NFIB: variants seen among roughly 807,000 people sequenced by gnomAD.
NFIB encodes the protein nuclear factor I B.
In NFIB, 11 loss-of-function variants were observed where a neutral mutation model predicts 61.5. The observed-to-expected ratio is 0.18, with a 90% CI of 0.11 to 0.30. The LOEUF is 0.30. NFIB is among the 10% of genes least tolerant of loss of function. NFIB has a pLI of 1.00. For synonymous variants in NFIB, 260 were observed against 216.5 expected (o/e 1.20, Z -1.76); for missense variants, 471 against 608.9 (o/e 0.77, Z 2.38).
chr9:14,290,205 C>T (rs954572606), intron 2 of NFIB, among the ~76,000 whole-genome samples: 1 of 152,030 alleles, frequency 6.6e-6, no homozygotes, highest in Non-Finnish European at 1.5e-5. Context: ...TGGCTCTATA[C>T]CATTCACATT....
At chr9:14,173,113 A>G (rs1288221147) in intron 3 of NFIB, among the ~76,000 whole-genome samples, 2 of 152,232 alleles carry the variant, frequency 1.3e-5, no homozygotes, top group Non-Finnish European at 2.9e-5. Context: ...TGATCAAACT[A>G]GCTGAAGAGA....
At chr9:14,157,187 G>A (rs181001082) in intron 3 of NFIB, among the ~76,000 whole-genome samples, 1 of 152,208 alleles carries the variant, frequency 6.6e-6, no homozygotes, top group East Asian at 1.9e-4. Flanking sequence ...AGATCTTAGG[G>A]CCAGTGGAAC....
At chr9:14,312,196 C>G (rs1309699130) in intron 1 of NFIB, among the ~76,000 whole-genome samples, 1 of 152,238 alleles carries the variant, frequency 6.6e-6, no homozygotes, top group Non-Finnish European at 1.5e-5. Flanking sequence ...TAAGCCTTAT[C>G]ATTGTTTTCA....
intron 3 of NFIB, among the ~76,000 whole-genome samples, chr9:14,172,575 C>G (rs1215483386): frequency 3.3e-5 from 5 of 152,174 alleles, no homozygotes; most frequent in South Asian, 2.1e-4. Context: ...AAAAGTCACT[C>G]CACCTTTCCT....
At chr9:14,405,362 T>A in the NFIB span, among the ~76,000 whole-genome samples, 1 of 152,220 alleles carries the variant, frequency 6.6e-6, no homozygotes, top group African/African-American at 2.4e-5. Context: ...ATAACTAATG[T>A]GCACATTCAT....
At chr9:14,160,841 AAAAAAAAAAAC>A (rs2044103804) in intron 3 of NFIB, among the ~76,000 whole-genome samples, 1 of 149,802 alleles carries the variant, frequency 6.7e-6, no homozygotes, top group South Asian at 2.1e-4. Context: ...CAAAAAAAAA[AAAAAAAAAAAC>A]AGAAAAAAAG....
At chr9:14,444,417 A>G in the NFIB span, among the ~76,000 whole-genome samples, 2 of 152,210 alleles carry the variant, frequency 1.3e-5, no homozygotes, top group Admixed American at 6.5e-5. Flanking sequence ...AAAAATTGAC[A>G]CTTGGGCTGC....
At chr9:14,156,723 T>C (rs960108118) in intron 3 of NFIB, among the ~76,000 whole-genome samples, 1 of 152,108 alleles carries the variant, frequency 6.6e-6, no homozygotes, top group African/African-American at 2.4e-5. Flanking sequence ...GCCCACCCCA[T>C]TCTCATCTAT....
At position 14,254,463 on chromosome 9, in the gene NFIB, T is replaced by C. The variant is rs1369082057; in HGVS notation, c.562+52526A>G. On this transcript the variant is annotated intron_variant, in intron 2 of 10. Coordinates refer to ENST00000380953, the MANE Select transcript of NFIB (RefSeq NM_001190737.2). Reference sequence around the variant, plus strand: ...CTTGATATGGGCTTGCGTTACTTACTGATCTTATCCCTCCACCAGACATAA... The same window carrying C: ...CTTGATATGGGCTTGCGTTACTTACCGATCTTATCCCTCCACCAGACATAA... 2.0e-5 allele frequency among the ~76,000 whole-genome samples: 3 copies of C among 152,222 alleles called. No individual in the cohort carries two copies. In the East Asian group the frequency reaches 5.8e-4, roughly 29 times the overall value.
chr9:14,429,005 C>T, the NFIB span, among the ~76,000 whole-genome samples: 1 of 152,310 alleles, frequency 6.6e-6, no homozygotes, highest in East Asian at 1.9e-4. Flanking sequence ...CGGGACCTCC[C>T]TGCCTGGCTC....
At chr9:14,468,218 C>G in the NFIB span, among the ~76,000 whole-genome samples, 2 of 152,188 alleles carry the variant, frequency 1.3e-5, no homozygotes, top group Admixed American at 6.5e-5. Context: ...GAGTATTTAG[C>G]AAGACTTTAA....
At chr9:14,480,987 C>T in the NFIB span, among the ~76,000 whole-genome samples, 1 of 151,268 alleles carries the variant, frequency 6.6e-6, no homozygotes, top group East Asian at 2.0e-4. Flanking sequence ...GGTGCCTTAC[C>T]TATAACACCT....
chr9:14,183,868 T>C (rs2047065678), intron 2 of NFIB, among the ~76,000 whole-genome samples: 2 of 152,112 alleles, frequency 1.3e-5, no homozygotes, highest in Non-Finnish European at 2.9e-5. Flanking sequence ...ATGTTCCCCA[T>C]TCTTTAAGTG....
chr9:14,380,021 T>C (rs1463434648), intron 1 of NFIB, among the ~76,000 whole-genome samples: 1 of 152,130 alleles, frequency 6.6e-6, no homozygotes, highest in African/African-American at 2.4e-5. Context: ...AAAGTCTCAT[T>C]TGACCCTTTG....
the NFIB span, among the ~76,000 whole-genome samples, chr9:14,473,093 G>A: frequency 6.6e-6 from 1 of 152,186 alleles, no homozygotes; most frequent in Admixed American, 6.5e-5. Flanking sequence ...AGGACAGGGG[G>A]TTTTATAGTT....
intron 2 of NFIB, among the ~76,000 whole-genome samples, chr9:14,229,595 T>C (rs549672328): frequency 2.6e-5 from 4 of 152,338 alleles, no homozygotes; most frequent in Admixed American, 2.0e-4. Flanking sequence ...ACTCTCTTCC[T>C]TTCTGCTGAG....
chr9:14,277,344 G>GACACACACAC (rs33999296), intron 2 of NFIB, among the ~76,000 whole-genome samples: 45 of 149,352 alleles, frequency 3.0e-4, no homozygotes, highest in Middle Eastern at 3.5e-3. Context: ...CGCACACACA[G>GACACACACAC]ACACACACAC....
chr9:14,495,359 G>A, the NFIB span, among the ~76,000 whole-genome samples: 41 of 151,692 alleles, frequency 2.7e-4, no homozygotes, highest in African/African-American at 8.2e-4. Context: ...ACATATCTAC[G>A]GGGATTTCAG....
At chr9:14,435,647 A>G in the NFIB span, among the ~76,000 whole-genome samples, 134,728 of 152,294 alleles carry the variant, frequency 0.88, 59,638 homozygotes, top group East Asian at 0.94. Flanking sequence ...GAAAGTTTAC[A>G]ACATTCCATA....
Sources: allele counts gnomAD v4.1 joint callset (sites outside exome capture counted in the v4.1 genomes callset), GRCh38; gene constraint gnomAD v4.1.1; transcripts MANE v1.5; gene names NCBI Gene and HGNC (gene_info 2026-07-23, HGNC 2026-07-21).